Variants in SNX29 observed in about 807,000 individuals in gnomAD.
SNX29 encodes the protein sorting nexin 29, also known as sorting nexin-29.
SNX29 carries 78 observed loss-of-function variants against 102.1 expected under a neutral mutation model. The ratio of observed to expected loss-of-function variants is 0.76; its 90% CI spans 0.64 to 0.92. The LOEUF (loss-of-function observed/expected upper bound fraction) is 0.92, where lower values mean the gene tolerates loss of function less well. SNX29 is among the 40% of genes least tolerant of loss of function. The pLI is 0.00. For synonymous variants in SNX29, 580 were observed against 414.5 expected (o/e 1.40, Z -4.85); for missense variants, 1,280 against 1,061.7 (o/e 1.21, Z -2.86).
At chr16:12,550,457 C>T (rs867769883) in intron 20 of SNX29, among the ~76,000 whole-genome samples, 2 of 151,506 alleles carry the variant, frequency 1.3e-5, no homozygotes, top group African/African-American at 2.4e-5. Context: ...ATCACTTAAA[C>T]CCGGGAGGTG....
chr16:12,101,987 A>C (rs995094392), intron 11 of SNX29, among the ~76,000 whole-genome samples: 1 of 151,474 alleles, frequency 6.6e-6, no homozygotes, highest in African/African-American at 2.4e-5. Flanking sequence ...TCATTGTTCA[A>C]CTCCCACCTA....
chr16:12,053,308 CCCCCAAATA>C (rs996768173), intron 8 of SNX29: 7 of 146,316 alleles, frequency 4.8e-5, no homozygotes, highest in Non-Finnish European at 1.0e-4. Context: ...AAAAAAAAGT[CCCCCAAATA>C]CCCCAAATAA....
chr16:12,572,670 C>A lies in SNX29; in HGVS notation c.*4041C>A. 3 of 1,063,680 alleles carry A rather than the reference C, an allele frequency of 2.8e-6. No homozygotes were observed. Among genetic ancestry groups the A allele is most frequent in the Middle Eastern group, 4.2e-4 (1 of 2,392 alleles). 65.9% of individuals were successfully genotyped at this position (1,063,680 alleles called of 1,614,324 possible). A position where few individuals can be genotyped will look rare whatever the true frequency, so the allele number is the denominator to read the frequency against. ...CAAGCTCCTGTGTGAGCTGCAGCAC[C>A]CACACGGGGGAAGCCCTGCACTCCA... On this transcript the variant is annotated 3_prime_UTR_variant, in exon 21 of 21. Transcript: ENST00000566228.
intron 20 of SNX29, among the ~76,000 whole-genome samples, chr16:12,538,469 G>A (rs1195049209): frequency 6.6e-6 from 1 of 152,150 alleles, no homozygotes; most frequent in Admixed American, 6.5e-5. Flanking sequence ...TATCTCCTAT[G>A]TTGATGCTGT....
At chr16:12,312,061 T>G (rs1260632155) in intron 15 of SNX29, among the ~76,000 whole-genome samples, 1 of 152,174 alleles carries the variant, frequency 6.6e-6, no homozygotes, top group African/African-American at 2.4e-5. Flanking sequence ...GGGCAGAGTT[T>G]AGCTACTCAG....
intron 18 of SNX29, among the ~76,000 whole-genome samples, chr16:12,475,542 G>T (rs758607056): frequency 6.6e-6 from 1 of 152,114 alleles, no homozygotes; most frequent in Non-Finnish European, 1.5e-5. Flanking sequence ...TGAAAATATC[G>T]TAAGTTGAAA....
chr16:11,993,311 C>T (rs969759749), intron 1 of SNX29, among the ~76,000 whole-genome samples: 1 of 152,102 alleles, frequency 6.6e-6, no homozygotes, highest in African/African-American at 2.4e-5. Flanking sequence ...GCCTGGTTGC[C>T]TCCTGCTTGT....
At chr16:12,218,435 A>G (rs1028148541) in intron 14 of SNX29, among the ~76,000 whole-genome samples, 10 of 152,354 alleles carry the variant, frequency 6.6e-5, no homozygotes, top group South Asian at 2.1e-4. Flanking sequence ...TTTTAAATAA[A>G]GTTTTATTGG....
At chr16:12,558,865 C>G (rs552976877) in intron 20 of SNX29, among the ~76,000 whole-genome samples, 185 of 152,332 alleles carry the variant, frequency 1.2e-3, no homozygotes, top group African/African-American at 4.2e-3. Context: ...ACAGGCAGCC[C>G]ATTTGCAGAA....
At chr16:12,337,229 T>G (rs1427211227) in intron 15 of SNX29, among the ~76,000 whole-genome samples, 1 of 152,138 alleles carries the variant, frequency 6.6e-6, no homozygotes, top group Non-Finnish European at 1.5e-5. Flanking sequence ...TCACACTGTC[T>G]CCACAGTTGC....
At position 12,175,862 on chromosome 16, in the gene SNX29, A is replaced by C. The variant is rs79870515; in HGVS notation, c.1596-23739A>C. ...TTTCTACAAAAATAATTAAAAAAAA[A>C]ATTAGCCATGGACTACCCTTGTAGT... On this transcript the variant is annotated intron_variant, in intron 13 of 20. Transcript: ENST00000566228. Among the ~76,000 whole-genome samples, 603 of 152,044 alleles carry C rather than the reference A, an allele frequency of 4.0e-3. 15 individuals are homozygous for C. Among genetic ancestry groups the C allele is most frequent in the Admixed American group, 0.03 (451 of 15,264 alleles).
At chr16:12,427,272 C>A (rs886347979) in intron 18 of SNX29, among the ~76,000 whole-genome samples, 1 of 151,596 alleles carries the variant, frequency 6.6e-6, no homozygotes, top group Non-Finnish European at 1.5e-5. Context: ...TTTGTCGTTG[C>A]TGTTGTTTTT....
At chr16:12,192,979 G>A (rs1356774839) in intron 13 of SNX29, among the ~76,000 whole-genome samples, 1 of 152,150 alleles carries the variant, frequency 6.6e-6, no homozygotes, top group Non-Finnish European at 1.5e-5. Context: ...TGGGATTACA[G>A]GCGTAAGCCA....
At chr16:12,105,265 G>A (rs1308858102) in intron 11 of SNX29, among the ~76,000 whole-genome samples, 2 of 131,488 alleles carry the variant, frequency 1.5e-5, no homozygotes, top group Non-Finnish European at 3.1e-5. Context: ...TCACTCTGTC[G>A]CTAGGCTGGA....
intron 14 of SNX29, among the ~76,000 whole-genome samples, chr16:12,225,928 G>C (rs992005600): frequency 4.6e-5 from 7 of 152,202 alleles, no homozygotes; most frequent in Non-Finnish European, 8.8e-5. Context: ...ACCCCAGTAA[G>C]ACAGATGAAG....
chr16:12,377,383 G>A (rs918596850), intron 16 of SNX29, among the ~76,000 whole-genome samples: 4 of 152,178 alleles, frequency 2.6e-5, no homozygotes, highest in Non-Finnish European at 4.4e-5. Flanking sequence ...TGGCAGAGGG[G>A]CAGGAGACAT....
At chr16:11,996,652 G>C (rs1242459516) in intron 1 of SNX29, among the ~76,000 whole-genome samples, 1 of 152,224 alleles carries the variant, frequency 6.6e-6, no homozygotes, top group East Asian at 1.9e-4. Context: ...GGCAGGTAGA[G>C]CTGTCGGGCT....
At chr16:12,477,304 C>T (rs2087700996) in intron 18 of SNX29, among the ~76,000 whole-genome samples, 1 of 152,184 alleles carries the variant, frequency 6.6e-6, no homozygotes, top group African/African-American at 2.4e-5. Flanking sequence ...GCCCTCCAAA[C>T]CACCTTTGGA....
rs114259574 is a variant in SNX29, at chr16:12,373,321, G to A, written c.1899+17042G>A. ...CTAACTCAAATTTTTATAGAGATGG[G>A]GTTTCACTATATGGCCCAGGCTGGT... is the stretch of plus-strand genomic sequence containing the variant. On this transcript the variant is annotated intron_variant, in intron 16 of 20. Transcript: ENST00000566228. 6.6e-5 allele frequency among the ~76,000 whole-genome samples: 10 copies of A among 152,086 alleles called. No homozygotes were observed. In the South Asian group the frequency reaches 2.1e-3, roughly 32 times the overall value.
Sources: gnomAD v4.1 joint callset for allele counts (sites outside exome capture counted in the v4.1 genomes callset) on GRCh38, gnomAD v4.1.1 for gene constraint, MANE v1.5 for transcripts, NCBI Gene and HGNC (gene_info 2026-07-23, HGNC 2026-07-21) for gene names.